CDH12: variants seen among roughly 807,000 people sequenced by gnomAD.
CDH12 encodes the protein cadherin 12.
In CDH12, 41 loss-of-function variants were observed where a neutral mutation model predicts 74.1. The ratio of observed to expected loss-of-function variants is 0.55; its 90% CI spans 0.43 to 0.72. The LOEUF (loss-of-function observed/expected upper bound fraction) is 0.72, where lower values mean the gene tolerates loss of function less well. Ranked by LOEUF, CDH12 falls within the 30% of genes least tolerant of loss-of-function variation. The pLI is 0.00. For missense variants in CDH12, 945 were observed against 977.2 expected (o/e 0.97, Z 0.44); for synonymous variants, 399 against 355.0 (o/e 1.12, Z -1.39).
At chr5:22,821,098 G>GTAA (rs1287963150) in intron 1 of CDH12, among the ~76,000 whole-genome samples, 27 of 152,204 alleles carry the variant, frequency 1.8e-4, no homozygotes, top group African/African-American at 6.3e-4. Context: ...ATCAATAAAT[G>GTAA]TAATCCAGCA....
chr5:22,472,235 A>G (rs1745989532), intron 2 of CDH12, among the ~76,000 whole-genome samples: 1 of 152,150 alleles, frequency 6.6e-6, no homozygotes, highest in African/African-American at 2.4e-5. Flanking sequence ...AAGTAAGGTC[A>G]AGGCCTAGTC....
chr5:22,802,174 T>G (rs1238575598), intron 1 of CDH12, among the ~76,000 whole-genome samples: 1 of 147,960 alleles, frequency 6.8e-6, no homozygotes, highest in East Asian at 2.0e-4. Flanking sequence ...CAGGCTGGAG[T>G]GCAGTGGCAC....
intron 3 of CDH12, among the ~76,000 whole-genome samples, chr5:22,238,195 A>G (rs1293120591): frequency 2.6e-5 from 4 of 152,192 alleles, no homozygotes; most frequent in Admixed American, 2.6e-4. Context: ...TACACCTGCT[A>G]TAACGGAGAA....
intron 10 of CDH12, among the ~76,000 whole-genome samples, chr5:21,792,419 A>C (rs558209867): frequency 6.6e-6 from 1 of 151,990 alleles, no homozygotes; most frequent in East Asian, 1.9e-4. Context: ...GAAACTATTT[A>C]CAAAAGTATA....
chr5:22,372,510 G>T (rs766802882), intron 3 of CDH12, among the ~76,000 whole-genome samples: 3 of 152,112 alleles, frequency 2.0e-5, no homozygotes, highest in Non-Finnish European at 2.9e-5. Flanking sequence ...TGTTCCAGAG[G>T]GGACACTCAT....
At chr5:21,871,011 C>T (rs1182849796) in intron 6 of CDH12, among the ~76,000 whole-genome samples, 1 of 152,170 alleles carries the variant, frequency 6.6e-6, no homozygotes, top group Non-Finnish European at 1.5e-5. Context: ...GGATTACAGG[C>T]ATGAGCCACC....
At chr5:21,761,990 A>G (rs16888445) in intron 12 of CDH12, among the ~76,000 whole-genome samples, 4,777 of 152,232 alleles carry the variant, frequency 0.031, 91 homozygotes, top group Middle Eastern at 0.058. Context: ...CAACTTAGTC[A>G]ATGAATCAAC....
chr5:22,626,001 T>C (rs1738270554), intron 1 of CDH12, among the ~76,000 whole-genome samples: 1 of 152,090 alleles, frequency 6.6e-6, no homozygotes, highest in Non-Finnish European at 1.5e-5. Flanking sequence ...TCCCCCACTG[T>C]ACTGGCAGTG....
intron 11 of CDH12, among the ~76,000 whole-genome samples, chr5:21,769,024 G>C (rs374525921): frequency 2.0e-5 from 3 of 152,032 alleles, no homozygotes; most frequent in East Asian, 3.9e-4. Context: ...ATGTTACAAG[G>C]CTATCTCAAT....
At chr5:22,288,743 T>A (rs1374416227) in intron 3 of CDH12, among the ~76,000 whole-genome samples, 2 of 152,166 alleles carry the variant, frequency 1.3e-5, no homozygotes, top group Non-Finnish European at 2.9e-5. Flanking sequence ...ACAGTAGTCA[T>A]TTTTTCCTGA....
intron 1 of CDH12, among the ~76,000 whole-genome samples, chr5:22,846,601 A>T (rs530095669): frequency 6.6e-6 from 1 of 152,306 alleles, no homozygotes; most frequent in Admixed American, 6.5e-5. Context: ...AAACATTAGA[A>T]TTGCTGGATT....
At chr5:22,342,693 T>C (rs1739919124) in intron 3 of CDH12, among the ~76,000 whole-genome samples, 1 of 146,990 alleles carries the variant, frequency 6.8e-6, no homozygotes, top group South Asian at 2.2e-4. Flanking sequence ...TTTCTTTCTT[T>C]CTTCTTTTTT....
At chr5:21,884,283 G>T in intron 6 of CDH12, 1 of 1,463,060 alleles carries the variant, frequency 6.8e-7, no homozygotes. Flanking sequence ...GGGTGGAATG[G>T]GAGGTGGTAT....
At chr5:22,077,355 T>A (rs1742400829) in intron 5 of CDH12, among the ~76,000 whole-genome samples, 1 of 152,164 alleles carries the variant, frequency 6.6e-6, no homozygotes, top group African/African-American at 2.4e-5. Flanking sequence ...AGATCTTAAA[T>A]GAATATTCCT....
intron 5 of CDH12, among the ~76,000 whole-genome samples, chr5:21,979,072 C>T (rs1757194451): frequency 6.6e-6 from 1 of 151,668 alleles, no homozygotes; most frequent in African/African-American, 2.4e-5. Context: ...TCACATGATG[C>T]CATTTTTACA....
intron 6 of CDH12, among the ~76,000 whole-genome samples, chr5:21,930,236 A>C (rs1754772031): frequency 6.6e-6 from 1 of 152,164 alleles, no homozygotes; most frequent in Non-Finnish European, 1.5e-5. Context: ...ATTGATTGGT[A>C]ATTCTGAGAG....
chr5:21,842,417 AC>A, intron 7 of CDH12, 89 bp from the exon 8 acceptor site: 3 of 873,922 alleles, frequency 3.4e-6, no homozygotes, highest in Non-Finnish European at 5.2e-6. Flanking sequence ...ACATGATTCT[AC>A]CTAGAATCAC....
intron 1 of CDH12, among the ~76,000 whole-genome samples, chr5:22,809,014 T>A (rs953367737): frequency 6.6e-6 from 1 of 151,852 alleles, no homozygotes; most frequent in Non-Finnish European, 1.5e-5. Context: ...TAGCTGTATT[T>A]TGAGATAGTT....
intron 3 of CDH12, among the ~76,000 whole-genome samples, chr5:22,311,628 G>GGGA (rs1268012974): frequency 1.3e-5 from 2 of 150,966 alleles, no homozygotes; most frequent in Middle Eastern, 3.4e-3. Flanking sequence ...GCTTGAACCT[G>GGGA]GGAGGCAGAA....
Sources: allele counts gnomAD v4.1 joint callset (sites outside exome capture counted in the v4.1 genomes callset), GRCh38; gene constraint gnomAD v4.1.1; transcripts MANE v1.5; gene names NCBI Gene and HGNC (gene_info 2026-07-23, HGNC 2026-07-21).